The following STK33 variants were observed in gnomAD, a reference collection of about 807,000 sequenced individuals.
STK33 encodes the protein serine/threonine kinase 33.
STK33 carries 52 observed loss-of-function variants against 58.0 expected under a neutral mutation model. The ratio of observed to expected loss-of-function variants is 0.90; its 90% CI spans 0.72 to 1.13. The LOEUF (loss-of-function observed/expected upper bound fraction) is 1.13. Ranked by LOEUF, STK33 falls within the 50% of genes most tolerant of loss-of-function variation. STK33 has a pLI of 0.00. For synonymous variants in STK33, 215 were observed against 200.1 expected, an observed-to-expected ratio of 1.07 and a Z score of -0.63; for missense variants, 630 against 604.2, an observed-to-expected ratio of 1.04 and a Z score of -0.45.
the STK33 span, among the ~76,000 whole-genome samples, chr11:8,339,891 A>T: frequency 6.6e-6 from 1 of 151,012 alleles, no homozygotes; most frequent in East Asian, 2.0e-4. Context: ...GTGAGTCCTC[A>T]CCTCCTCTCT....
At chr11:8,502,209 A>C (rs539243282) in intron 1 of STK33, among the ~76,000 whole-genome samples, 1 of 152,156 alleles carries the variant, frequency 6.6e-6, no homozygotes, top group African/African-American at 2.4e-5. Context: ...AATTAATTTA[A>C]GTGAAGTCTG....
chr11:8,377,455 T>C, the STK33 span, among the ~76,000 whole-genome samples: 1 of 152,138 alleles, frequency 6.6e-6, no homozygotes, highest in African/African-American at 2.4e-5. Flanking sequence ...AAACTAGCCA[T>C]TGAAGGGACT....
At chr11:8,568,251 A>C (rs1422835086) in intron 1 of STK33, among the ~76,000 whole-genome samples, 1 of 152,206 alleles carries the variant, frequency 6.6e-6, no homozygotes, top group Non-Finnish European at 1.5e-5. Context: ...GGAACACTCC[A>C]AGTTGCAATT....
the STK33 span, among the ~76,000 whole-genome samples, chr11:8,361,780 C>A: frequency 6.6e-6 from 1 of 152,252 alleles, no homozygotes; most frequent in East Asian, 1.9e-4. The surrounding 1 kb of genome is among the most constrained non-coding windows in gnomAD (Gnocchi z 4.8). Flanking sequence ...GGATCCCTGG[C>A]CCACACAGCA....
At chr11:8,487,586 A>G (rs1950280312) in intron 1 of STK33, among the ~76,000 whole-genome samples, 1 of 152,168 alleles carries the variant, frequency 6.6e-6, no homozygotes, top group East Asian at 1.9e-4. Flanking sequence ...CTAAAGGATA[A>G]TCAGAGGAAG....
chr11:8,590,036 G>T (rs1359227263), intron 1 of STK33, among the ~76,000 whole-genome samples: 1 of 152,214 alleles, frequency 6.6e-6, no homozygotes, highest in African/African-American at 2.4e-5. Context: ...CTGAGCCTCA[G>T]ATGCACTGCC....
intron 1 of STK33, among the ~76,000 whole-genome samples, chr11:8,553,167 A>AATATATATATATATATATATAT (rs56363010): frequency 1.9e-4 from 13 of 68,180 alleles, no homozygotes; most frequent in South Asian, 6.8e-4. Context: ...CCAAAAATAA[A>AATATATATATATATATATATAT]ATATATATAT....
At position 8,395,928 on chromosome 11, in the gene STK33, C is replaced by T. The variant is rs544111209; in HGVS notation, c.1345-3218G>A. Among the ~76,000 whole-genome samples the T allele has an allele frequency of 5.9e-5, 9 of 152,182 alleles. No homozygotes were observed. In the South Asian group the frequency reaches 1.0e-3, roughly 18 times the overall value. On this transcript the variant is annotated intron_variant, in intron 15 of 15. Transcript: ENST00000687296. ...ATCTTACCAGTAGCATACAAGAGTG[C>T]CTGTTTTCTTATTTTTCAACTTGGT...
intron 6 of STK33, chr11:8,467,682 C>G (rs1287895918): frequency 6.6e-6 from 1 of 152,638 alleles, no homozygotes; most frequent in Non-Finnish European, 1.5e-5. Flanking sequence ...TGCAGTGGCT[C>G]ATGCCTGTAA....
intron 15 of STK33, among the ~76,000 whole-genome samples, chr11:8,400,657 T>G (rs1160224040): frequency 1.3e-5 from 2 of 150,998 alleles, no homozygotes; most frequent in Non-Finnish European, 1.5e-5. Flanking sequence ...GGGTATTCAA[T>G]TAGGAAAAGA....
At chr11:8,397,829 GCCGATTCGATCAA>G (rs142774925) in intron 15 of STK33, among the ~76,000 whole-genome samples, 28,772 of 145,846 alleles carry the variant, frequency 0.2, 3,284 homozygotes, top group East Asian at 0.32. Flanking sequence ...AGCCTCAGTA[GCCGATTCGATCAA>G]CTGGAAGAAA....
At chr11:8,444,564 G>A (rs1024645676) in intron 11 of STK33, among the ~76,000 whole-genome samples, 7 of 152,058 alleles carry the variant, frequency 4.6e-5, no homozygotes, top group African/African-American at 1.7e-4. Flanking sequence ...TAGAAACTGT[G>A]ATAAGAGCAG....
chr11:8,417,643 T>G (rs1160868851), intron 14 of STK33, among the ~76,000 whole-genome samples: 2 of 152,146 alleles, frequency 1.3e-5, no homozygotes, highest in African/African-American at 2.4e-5. Flanking sequence ...GACTTTATTT[T>G]GTAAAGTTCC....
chr11:8,408,710 G>C (rs1276512917), intron 15 of STK33, among the ~76,000 whole-genome samples: 2 of 152,186 alleles, frequency 1.3e-5, no homozygotes, highest in East Asian at 1.9e-4. Flanking sequence ...CACAGGACTT[G>C]ACATTTATAT....
intron 1 of STK33, among the ~76,000 whole-genome samples, chr11:8,564,243 C>T (rs920991770): frequency 7.2e-5 from 11 of 152,038 alleles, no homozygotes; most frequent in African/African-American, 2.4e-4. Context: ...TAGGAAATTC[C>T]CATCAAATGG....
chr11:8,530,479 T>TACC (rs1206162094), intron 1 of STK33, among the ~76,000 whole-genome samples: 2 of 151,632 alleles, frequency 1.3e-5, no homozygotes, highest in African/African-American at 2.4e-5. Flanking sequence ...GAAAAAAATC[T>TACC]ACCACCACCA....
intron 1 of STK33, among the ~76,000 whole-genome samples, chr11:8,530,108 T>C (rs1032285332): frequency 3.0e-4 from 45 of 152,084 alleles, no homozygotes; most frequent in Admixed American, 4.6e-4. Context: ...TCTACAAAGA[T>C]GAGAATGTGG....
chr11:8,540,670 A>G (rs1955436838), intron 1 of STK33, among the ~76,000 whole-genome samples: 1 of 152,128 alleles, frequency 6.6e-6, no homozygotes, highest in African/African-American at 2.4e-5. Context: ...TCTCACTTAT[A>G]CATGGAATAT....
rs1359901757 is a variant in STK33 at position 8,413,487 on chromosome 11, C to T, written c.1344+8G>A. 6.2e-7 allele frequency: 1 copy of T among 1,613,632 alleles called. No homozygotes were observed. Reference sequence around the variant, plus strand: ...ACTTGGGAGAAATGCAGCAATGATTCTTCCTACCTGTTTTTCCTCCTCTTC... The same window carrying T: ...ACTTGGGAGAAATGCAGCAATGATTTTTCCTACCTGTTTTTCCTCCTCTTC... On this transcript the variant is annotated splice_region_variant and intron_variant, in intron 15 of 15. Coordinates refer to ENST00000687296, the MANE Select transcript of STK33 (RefSeq NM_001352389.2).
Sources: allele counts gnomAD v4.1 joint callset (sites outside exome capture counted in the v4.1 genomes callset), GRCh38; gene constraint gnomAD v4.1.1; non-coding constraint Gnocchi (gnomAD v3.1); transcripts MANE v1.5; gene names NCBI Gene and HGNC (gene_info 2026-07-23, HGNC 2026-07-21).